The following PATZ1 variants were observed in gnomAD, a reference collection of about 807,000 sequenced individuals.
PATZ1 encodes POZ-, AT hook-, and zinc finger-containing protein 1.
A neutral mutation model predicts 46.2 loss-of-function variants in PATZ1; 9 were observed. The observed-to-expected ratio is 0.19, with a 90% CI of 0.12 to 0.34. The LOEUF is 0.34. PATZ1 is among the 10% of genes least tolerant of loss of function. PATZ1 has a pLI of 1.00. For missense variants in PATZ1, 632 were observed against 923.0 expected (o/e 0.68, Z 4.08); for synonymous variants, 426 against 378.6 (o/e 1.13, Z -1.45).
At chr22:31,331,593 C>T (rs919219653) in intron 3 of PATZ1, among the ~76,000 whole-genome samples, 5 of 152,084 alleles carry the variant, frequency 3.3e-5, no homozygotes, top group Admixed American at 1.3e-4. Flanking sequence ...CCACCCGCCT[C>T]GGCCTCCCAA....
Position 31,344,541 on chromosome 22 carries a change from C to G in PATZ1, c.1062G>C (p.Gln354His). 1 of 1,614,212 alleles carries G rather than the reference C, an allele frequency of 6.2e-7. No individual in the cohort carries two copies. The part of the protein sequence containing the change: ...GPRKRSRTRK[Q>H]VACEICGKIF... ...TCTTGCCGCAGATCTCACAAGCCAC[C>G]TGCTTCCTGGTCCGGCTCCTCTTTC... Residue 354 changes from glutamine to histidine, a missense_variant, in exon 1 of 5, where the codon CAG becomes CAC. This residue lies in a region of PATZ1 where 279 missense variants were observed against 284.3 expected (regional missense o/e 0.98). Transcript: ENST00000266269.
In PATZ1 at chr22:31,331,597, C is replaced by T. The variant is rs141950256; in HGVS notation, c.1508-2673G>A. 5.0e-3 allele frequency among the ~76,000 whole-genome samples: 757 copies of T among 152,274 alleles called. 5 individuals are homozygous for T. The highest frequency in any genetic ancestry group is 0.017 in the African/African-American group (704 of 41,558). On this transcript the variant is annotated intron_variant, in intron 3 of 4. Transcript: ENST00000266269. ...GACTTCGCGATCCACCCGCCTCGGC[C>T]TCCCAAAGTGCTGGGATTACAGGCG...
At chr22:31,331,484 C>T (rs62236168) in intron 3 of PATZ1, among the ~76,000 whole-genome samples, 6,151 of 151,906 alleles carry the variant, frequency 0.04, 115 homozygotes, top group Non-Finnish European at 0.051. Flanking sequence ...GGACTACAGG[C>T]GCCCGCCACC....
At position 31,327,266 on chromosome 22, in the gene PATZ1, G is replaced by A. The variant is rs1447648315; in HGVS notation, c.1689C>T (p.Asp563=). The A allele has an allele frequency of 6.2e-7, 1 of 1,614,166 alleles. No individual in the cohort carries two copies. Among genetic ancestry groups the A allele is most frequent in the Admixed American group, 1.7e-5 (1 of 60,026 alleles). ...CSHQDPIESS[D]SYGDLSDASD... ...TGGCATCTGAGAGGTCACCATAGGA[G>A]TCAGAGCTCTCAATCGGATCCTGAT... Residue 563 remains aspartate (D), a synonymous_variant, in exon 5 of 5, where the codon GAC becomes GAT. Transcript: ENST00000266269. This position sits in a 1 kb window ranked among gnomAD's most constrained non-coding sequence, Gnocchi z 4.2.
In PATZ1 at chr22:31,328,547, G is replaced by A. The variant is rs2049395457; in HGVS notation, c.1645+240C>T. Among the ~76,000 whole-genome samples, 2 of 152,330 alleles carry A rather than the reference G, an allele frequency of 1.3e-5. No individual in the cohort carries two copies. The highest frequency in any genetic ancestry group is 2.1e-4 in the South Asian group (1 of 4,830). ...GTGGGGGCTGGCCAGGAGGAAAGGA[G>A]GAGGGCTGGGGAAGAGGAGGCGGAG... On this transcript the variant is annotated intron_variant, in intron 4 of 4. Transcript: ENST00000266269. This position sits in a 1 kb window ranked among gnomAD's most constrained non-coding sequence, Gnocchi z 4.8.
rs1194965916 is a variant in PATZ1 at position 31,326,299 on chromosome 22, G to A, written c.*592C>T. On this transcript the variant is annotated 3_prime_UTR_variant, in exon 5 of 5. Coordinates refer to ENST00000266269, the MANE Select transcript of PATZ1 (RefSeq NM_014323.3). ...GCTTGTCCTAGCAGTGAAAATGCTC[G>A]CCTCCAAGCAGGGCTCAGAAAGGTC... 2.6e-5 allele frequency: 6 copies of A among 229,778 alleles called. No homozygotes were observed. The highest frequency in any genetic ancestry group is 5.2e-5 in the Non-Finnish European group (6 of 115,894). The allele number at this position is 229,778 out of a possible 1,614,324, so 14.2% of individuals were successfully genotyped here. A position where few individuals can be genotyped will look rare whatever the true frequency, so the allele number is the denominator to read the frequency against.
intron 2 of PATZ1, among the ~76,000 whole-genome samples, chr22:31,338,243 G>A (rs914402334): frequency 2.0e-5 from 3 of 152,178 alleles, no homozygotes; most frequent in African/African-American, 4.8e-5. Flanking sequence ...TGGGCCAGTG[G>A]AGGCCGTGAG....
rs2049645270 is a variant in PATZ1, at chr22:31,345,656, T to TC, written c.-55dup. 6.7e-7 allele frequency: 1 copy of TC among 1,493,894 alleles called. No individual in the cohort carries two copies. Among genetic ancestry groups the TC allele is most frequent in the African/African-American group, 1.4e-5 (1 of 71,938 alleles). The allele number at this position is 1,493,894 out of a possible 1,614,324, so 92.5% of individuals were successfully genotyped here. A position where few individuals can be genotyped will look rare whatever the true frequency, so the allele number is the denominator to read the frequency against. ...CGCTGCACCTGCCCGCCCCCTCCCTTCCCCTCAGCAGCGAGAAGCGGGGCG... is the reference window on the plus strand; with the variant it reads ...CGCTGCACCTGCCCGCCCCCTCCCTTCCCCCTCAGCAGCGAGAAGCGGGGCG... On this transcript the variant is annotated 5_prime_UTR_variant, in exon 1 of 5. Coordinates refer to ENST00000266269, the MANE Select transcript of PATZ1 (RefSeq NM_014323.3). The surrounding 1 kb of genome is among the most constrained non-coding windows in gnomAD (Gnocchi z 7.4).
rs546530691 is a variant in PATZ1, at chr22:31,327,219, T to C, written c.1736A>G (p.Lys579Arg). The C allele has an allele frequency of 6.2e-7, 1 of 1,614,236 alleles. No homozygotes were observed. Among genetic ancestry groups the C allele is most frequent in the African/African-American group, 1.3e-5 (1 of 75,066 alleles). The change falls in exon 5 of 5, where the codon AAG (lysine) becomes AGG (arginine). Residue 579 changes from lysine to arginine, a missense_variant. This residue lies in a region of PATZ1 where 176 missense variants were observed against 249.4 expected (regional missense o/e 0.71). Coordinates refer to ENST00000266269, the MANE Select transcript of PATZ1 (RefSeq NM_014323.3). This position sits in a 1 kb window ranked among gnomAD's most constrained non-coding sequence, Gnocchi z 4.2. ...SDASDLKTPE[K>R]QSANGSFSCD... ...GGAGAAAGAGCCATTGGCACTCTGC[T>C]TCTCTGGCGTCTTCAGGTCGCTGGC...
intron 2 of PATZ1, 110 bp downstream of exon 2, chr22:31,342,787 C>T (rs2049598881): frequency 5.4e-6 from 6 of 1,119,758 alleles, no homozygotes; most frequent in South Asian, 2.7e-5. Context: ...GTGTGCAAAG[C>T]GGTGGGCGGT....
At position 31,338,578 on chromosome 22, in the gene PATZ1, A is replaced by C. The variant is rs191716411; in HGVS notation, c.1336-2715T>G. Among the ~76,000 whole-genome samples, 519 of 152,314 alleles carry C rather than the reference A, an allele frequency of 3.4e-3. 3 individuals carry two copies. The highest frequency in any genetic ancestry group is 6.1e-3 in the Non-Finnish European group (412 of 68,026). On this transcript the variant is annotated intron_variant, in intron 2 of 4. Coordinates refer to ENST00000266269, the MANE Select transcript of PATZ1 (RefSeq NM_014323.3). Reference sequence around the variant, plus strand: ...ACCTCTACACAGCCCAGCAGTCTCTAAACCAGAGCAGGGGCTGCATAAACA... The same window carrying C: ...ACCTCTACACAGCCCAGCAGTCTCTCAACCAGAGCAGGGGCTGCATAAACA...
chr22:31,342,315 T>C (rs1569028506), intron 2 of PATZ1, among the ~76,000 whole-genome samples: 2 of 151,952 alleles, frequency 1.3e-5, no homozygotes, highest in African/African-American at 4.8e-5. Context: ...CCCACTTTGC[T>C]CTCCAGTCCT....
At position 31,345,760 on chromosome 22, in the gene PATZ1, C is replaced by A; in HGVS notation, c.-158G>T. 7 of 718,096 alleles carry A rather than the reference C, an allele frequency of 9.7e-6. No individual in the cohort carries two copies. Among genetic ancestry groups the A allele is most frequent in the Admixed American group, 3.1e-5 (1 of 32,780 alleles). 44.5% of individuals were successfully genotyped at this position (718,096 alleles called of 1,614,324 possible). On this transcript the variant is annotated 5_prime_UTR_variant, in exon 1 of 5. Coordinates refer to ENST00000266269, the MANE Select transcript of PATZ1 (RefSeq NM_014323.3). This position sits in a 1 kb window ranked among gnomAD's most constrained non-coding sequence, Gnocchi z 7.4. ...GCAGGTGCGCCGAGTGTACACGCCCCCAGCCCGGATCAGACTGTCTAGACT... is the reference window on the plus strand; with the variant it reads ...GCAGGTGCGCCGAGTGTACACGCCCACAGCCCGGATCAGACTGTCTAGACT...
At chr22:31,329,239 T>A (rs2049406814) in intron 3 of PATZ1, among the ~76,000 whole-genome samples, 1 of 152,236 alleles carries the variant, frequency 6.6e-6, no homozygotes, top group Admixed American at 6.5e-5. Context: ...CCTCTAGGGT[T>A]GCTTGGTGCC....
Position 31,331,543 on chromosome 22 carries a change from A to G in PATZ1, c.1508-2619T>C, listed in dbSNP as rs534780259. On this transcript the variant is annotated intron_variant, in intron 3 of 4. Coordinates refer to ENST00000266269, the MANE Select transcript of PATZ1 (RefSeq NM_014323.3). ...TTTTTAGTAGAGACGGGGTTTCACC[A>G]TGTTAGCCAGGATGGTCTCGGATCT... 4.7e-4 allele frequency among the ~76,000 whole-genome samples: 71 copies of G among 152,072 alleles called. 1 individual carries two copies. The highest frequency in any genetic ancestry group is 1.7e-3 in the African/African-American group (71 of 41,494).
intron 3 of PATZ1, among the ~76,000 whole-genome samples, chr22:31,335,190 G>T (rs2049493239): frequency 6.6e-6 from 1 of 152,140 alleles, no homozygotes; most frequent in Non-Finnish European, 1.5e-5. Context: ...CTGAGTTTGG[G>T]CTCTCTTCTG....
chr22:31,334,897 A>G (rs2049488854), intron 3 of PATZ1, among the ~76,000 whole-genome samples: 1 of 152,184 alleles, frequency 6.6e-6, no homozygotes. Flanking sequence ...TGGCCAAAGC[A>G]AAGCACACCA....
intron 1 of PATZ1, among the ~76,000 whole-genome samples, chr22:31,343,826 T>G (rs1041135538): frequency 1.3e-5 from 2 of 152,214 alleles, no homozygotes; most frequent in Non-Finnish European, 2.9e-5. Flanking sequence ...TGTCCCATGA[T>G]CCCAGGGTGG....
Position 31,327,338 on chromosome 22 carries a change from A to G in PATZ1, c.1646-29T>C. On this transcript the variant is annotated intron_variant, in intron 4 of 4. Coordinates refer to ENST00000266269, the MANE Select transcript of PATZ1 (RefSeq NM_014323.3). This position sits in a 1 kb window ranked among gnomAD's most constrained non-coding sequence, Gnocchi z 4.2. ...CGAAAAAACAAAATATAGGAGAGCG[A>G]TGAGGCCAGGCTCTGGAGATGCCCC... 1.9e-6 allele frequency: 3 copies of G among 1,591,400 alleles called. No individual in the cohort carries two copies. Among genetic ancestry groups the G allele is most frequent in the Non-Finnish European group, 2.6e-6 (3 of 1,165,308 alleles).
Sources: gnomAD v4.1 joint callset for allele counts (sites outside exome capture counted in the v4.1 genomes callset) on GRCh38, gnomAD v4.1.1 for gene constraint, gnomAD v4.1.1 regional missense constraint, Gnocchi (gnomAD v3.1) non-coding constraint, MANE v1.5 for transcripts, NCBI Gene and HGNC (gene_info 2026-07-23, HGNC 2026-07-21) for gene names.